Variants in SUSD1 observed in about 807,000 individuals in gnomAD.
The protein encoded by SUSD1 is sushi domain containing 1, also known as sushi domain-containing protein 1.
Under a neutral mutation model 86.9 loss-of-function variants are expected in SUSD1, and 65 were observed. That is an observed-to-expected ratio of 0.75 (90% CI 0.61 to 0.92). SUSD1 has a LOEUF of 0.92. Among genes scored for constraint, SUSD1 ranks in the 40% least tolerant of loss-of-function variants. The pLI is 0.00. For synonymous variants in SUSD1, 346 were observed against 350.0 expected, an observed-to-expected ratio of 0.99 and a Z score of 0.13; for missense variants, 850 against 929.7, an observed-to-expected ratio of 0.91 and a Z score of 1.11.
intron 1 of SUSD1, among the ~76,000 whole-genome samples, chr9:112,162,514 G>C (rs370127072): frequency 6.6e-6 from 1 of 152,052 alleles, no homozygotes; most frequent in Non-Finnish European, 1.5e-5. Context: ...ATAAACACGC[G>C]GTTCAAAGGC....
At chr9:112,089,215 C>G (rs749025558) in intron 10 of SUSD1, among the ~76,000 whole-genome samples, 2 of 152,010 alleles carry the variant, frequency 1.3e-5, no homozygotes, top group African/African-American at 2.4e-5. Context: ...AAGGTAACCA[C>G]TAGAAAAATG....
At chr9:112,070,298 C>G (rs377654128) in intron 12 of SUSD1, among the ~76,000 whole-genome samples, 4 of 152,210 alleles carry the variant, frequency 2.6e-5, no homozygotes, top group African/African-American at 9.7e-5. Flanking sequence ...TGAGCCACCA[C>G]GCCCAGCCGC....
intron 9 of SUSD1, among the ~76,000 whole-genome samples, chr9:112,100,075 C>A (rs1463738261): frequency 6.6e-6 from 1 of 152,188 alleles, no homozygotes; most frequent in African/African-American, 2.4e-5. Context: ...TGTGTTCATG[C>A]GTGTTTAGGC....
chr9:112,139,432 C>G (rs1244838658), intron 5 of SUSD1, among the ~76,000 whole-genome samples: 1 of 152,066 alleles, frequency 6.6e-6, no homozygotes, highest in Non-Finnish European at 1.5e-5. Context: ...AACAATATAA[C>G]CCACACATTA....
intron 14 of SUSD1, among the ~76,000 whole-genome samples, chr9:112,055,199 G>A (rs1828394154): frequency 6.6e-6 from 1 of 152,214 alleles, no homozygotes; most frequent in African/African-American, 2.4e-5. Flanking sequence ...GCCAAGGCAG[G>A]TGGATCGCTT....
chr9:112,127,322 G>A (rs545013051), intron 5 of SUSD1, among the ~76,000 whole-genome samples: 6 of 152,220 alleles, frequency 3.9e-5, no homozygotes, highest in Admixed American at 1.3e-4. Context: ...GCAGTGAGCT[G>A]AGATTGTGCT....
At chr9:112,139,118 G>T (rs1295733042) in intron 5 of SUSD1, among the ~76,000 whole-genome samples, 7 of 152,170 alleles carry the variant, frequency 4.6e-5, no homozygotes, top group Admixed American at 4.6e-4. Flanking sequence ...CTCTCCAATA[G>T]TGCCACATCC....
chr9:112,166,214 C>G (rs770206005), intron 1 of SUSD1, among the ~76,000 whole-genome samples: 1 of 152,124 alleles, frequency 6.6e-6, no homozygotes, highest in Admixed American at 6.5e-5. Flanking sequence ...CAGGACTTTG[C>G]GGGACAACTC....
chr9:112,173,433 T>C (rs979591789), intron 1 of SUSD1: 5 of 158,034 alleles, frequency 3.2e-5, no homozygotes, highest in Non-Finnish European at 7.0e-5. Context: ...AGTTTACTTA[T>C]ACAAATAGCA....
chr9:112,149,706 T>C (rs980639223), intron 2 of SUSD1, among the ~76,000 whole-genome samples: 7 of 152,162 alleles, frequency 4.6e-5, no homozygotes, highest in African/African-American at 1.7e-4. Context: ...AAAAAGATCT[T>C]TTCAGAGGCC....
chr9:112,142,560 T>C (rs562285340), intron 4 of SUSD1, 61 bp from the exon 5 acceptor site: 19 of 1,536,008 alleles, frequency 1.2e-5, no homozygotes, highest in Non-Finnish European at 1.7e-5. Flanking sequence ...AAATTCACAA[T>C]CTCTCTCCAC....
Position 112,124,159 on chromosome 9 carries a change from A to G in SUSD1, c.886+98T>C, listed in dbSNP as rs928406004. The G allele has an allele frequency of 7.4e-6, 9 of 1,209,410 alleles. No homozygotes were observed. The African/African-American group carries it at 9.1e-5, about 12-fold the overall frequency. 74.9% of individuals were successfully genotyped at this position (1,209,410 alleles called of 1,614,324 possible). ...CCAGGTAAATAGCCGAGCTGGGTAC[A>G]GTATGTAGAGTGAAGCAGCAATCAG... On this transcript the variant is annotated intron_variant, in intron 6 of 16. Transcript: ENST00000374270.
rs564703089 is a variant in SUSD1, at chr9:112,148,930, A to T, written c.373+314T>A. 5.3e-5 allele frequency among the ~76,000 whole-genome samples: 8 copies of T among 151,782 alleles called. No individual in the cohort carries two copies. The East Asian group carries it at 1.6e-3, about 29-fold the overall frequency. On this transcript the variant is annotated intron_variant, in intron 3 of 16. Transcript: ENST00000374270. Reference sequence around the variant, plus strand: ...TTAAAAAAAAAAAAGTTCAAACAAAACATTACAATGAAAGAAAAAGAATAT... The same window carrying T: ...TTAAAAAAAAAAAAGTTCAAACAAATCATTACAATGAAAGAAAAAGAATAT...
chr9:112,065,999 T>C (rs1322554366), intron 12 of SUSD1, among the ~76,000 whole-genome samples: 4 of 152,242 alleles, frequency 2.6e-5, no homozygotes, highest in Non-Finnish European at 5.9e-5. Context: ...ACAGCAGCTC[T>C]GCGTGACAAT....
At chr9:112,108,865 G>A (rs1322692560) in intron 8 of SUSD1, among the ~76,000 whole-genome samples, 7 of 148,236 alleles carry the variant, frequency 4.7e-5, no homozygotes, top group Admixed American at 4.0e-4. Context: ...AAAACAAGAG[G>A]AGAAATTAGT....
intron 9 of SUSD1, among the ~76,000 whole-genome samples, chr9:112,100,931 C>A (rs1236211652): frequency 6.6e-6 from 1 of 151,068 alleles, no homozygotes; most frequent in Non-Finnish European, 1.5e-5. Context: ...TTTTATTATT[C>A]CATTATTAAT....
chr9:112,046,484 C>T (rs1827961089), intron 15 of SUSD1, among the ~76,000 whole-genome samples: 1 of 152,182 alleles, frequency 6.6e-6, no homozygotes, highest in Non-Finnish European at 1.5e-5. Flanking sequence ...CTCAAGAGAG[C>T]TAGTGCTCAG....
intron 12 of SUSD1, among the ~76,000 whole-genome samples, chr9:112,067,188 G>A (rs998887471): frequency 6.6e-6 from 1 of 152,152 alleles, no homozygotes; most frequent in Admixed American, 6.5e-5. Flanking sequence ...TAGAAGATTG[G>A]AGGGTTTTAT....
intron 5 of SUSD1, among the ~76,000 whole-genome samples, chr9:112,139,723 A>T (rs867782330): frequency 7.9e-5 from 12 of 152,198 alleles, no homozygotes; most frequent in Admixed American, 1.3e-4. Context: ...GAAGAAAAAA[A>T]ATATATAATC....
Sources: allele counts gnomAD v4.1 joint callset (sites outside exome capture counted in the v4.1 genomes callset), GRCh38; gene constraint gnomAD v4.1.1; transcripts MANE v1.5; gene names NCBI Gene and HGNC (gene_info 2026-07-23, HGNC 2026-07-21).